The following ADAMTSL1 variants were observed in gnomAD, a reference collection of about 807,000 sequenced individuals.
The protein encoded by ADAMTSL1 is ADAMTS like 1.
In ADAMTSL1, 126 loss-of-function variants were observed where a neutral mutation model predicts 201.8. The observed-to-expected ratio is 0.62, with a 90% CI of 0.54 to 0.72. The LOEUF (loss-of-function observed/expected upper bound fraction) is 0.72. Among genes scored for constraint, ADAMTSL1 ranks in the 30% least tolerant of loss-of-function variants. The probability of loss-of-function intolerance (pLI) is 0.00; values close to 1 mark genes in which losing one functional copy is unlikely to be tolerated. For synonymous variants in ADAMTSL1, 1,121 were observed against 903.4 expected (o/e 1.24, Z -4.32); for missense variants, 2,679 against 2,277.8 (o/e 1.18, Z -3.59).
intron 1 of ADAMTSL1, among the ~76,000 whole-genome samples, chr9:17,921,036 T>G (rs976844715): frequency 6.6e-6 from 1 of 152,200 alleles, no homozygotes; most frequent in African/African-American, 2.4e-5. Context: ...GAATATTTAT[T>G]TTCATATATC....
intron 14 of ADAMTSL1, among the ~76,000 whole-genome samples, chr9:18,712,429 G>C (rs1408405181): frequency 1.3e-5 from 2 of 151,534 alleles, no homozygotes; most frequent in Admixed American, 1.3e-4. Context: ...TGAAAACCAA[G>C]GCTCCAGAAC....
At chr9:18,202,797 C>G (rs763028693) in intron 2 of ADAMTSL1, among the ~76,000 whole-genome samples, 1 of 152,106 alleles carries the variant, frequency 6.6e-6, no homozygotes, top group African/African-American at 2.4e-5. Context: ...CAGTTTCTGT[C>G]TTCAGAATAG....
chr9:18,863,783 C>T (rs1365414627), intron 23 of ADAMTSL1, among the ~76,000 whole-genome samples: 1 of 152,154 alleles, frequency 6.6e-6, no homozygotes, highest in Non-Finnish European at 1.5e-5. Flanking sequence ...TTTGCTCAGT[C>T]ACCCCATGGC....
At position 18,484,911 on chromosome 9, in the gene ADAMTSL1, C is replaced by G. The variant is rs944713090; in HGVS notation, c.63+10616C>G. ...AGGTAGGAGTTACGGAAAGTAGAGA[C>G]AAGTTTCTAATTTTTTGTATTGTTA... is the stretch of plus-strand genomic sequence containing the variant. On this transcript the variant is annotated intron_variant, in intron 1 of 28. Transcript: ENST00000380548. 2.2e-4 allele frequency among the ~76,000 whole-genome samples: 33 copies of G among 152,058 alleles called. 2 individuals are homozygous for G. Among genetic ancestry groups the G allele is most frequent in the Admixed American group, 2.1e-3 (32 of 15,268 alleles).
intron 3 of ADAMTSL1, among the ~76,000 whole-genome samples, chr9:18,561,973 C>G (rs918827196): frequency 3.3e-5 from 5 of 152,038 alleles, no homozygotes; most frequent in African/African-American, 1.2e-4. Flanking sequence ...GACTCTTTAT[C>G]CAGTTTGCCA....
intron 3 of ADAMTSL1, among the ~76,000 whole-genome samples, chr9:18,552,803 C>T (rs1194588318): frequency 6.6e-6 from 1 of 151,522 alleles, no homozygotes; most frequent in Non-Finnish European, 1.5e-5. Flanking sequence ...ATCCTTTTTG[C>T]CTTAATGTAT....
At chr9:18,209,942 G>C (rs80244227) in intron 2 of ADAMTSL1, among the ~76,000 whole-genome samples, 2,223 of 152,188 alleles carry the variant, frequency 0.015, 60 homozygotes, top group African/African-American at 0.05. Flanking sequence ...TGCCTTGCCA[G>C]TACAGAATGC....
chr9:17,908,014 G>T (rs114148145), intron 1 of ADAMTSL1, among the ~76,000 whole-genome samples: 1 of 151,924 alleles, frequency 6.6e-6, no homozygotes, highest in South Asian at 2.1e-4. Context: ...TTTTCTTAAC[G>T]TTTTGCAACT....
intron 1 of ADAMTSL1, among the ~76,000 whole-genome samples, chr9:18,151,869 C>T (rs1272574756): frequency 2.6e-5 from 4 of 151,946 alleles, no homozygotes; most frequent in African/African-American, 9.7e-5. Context: ...ATAAATGTCC[C>T]ATATCCCCTT....
At chr9:18,228,687 T>C (rs573778953) in intron 2 of ADAMTSL1, among the ~76,000 whole-genome samples, 4 of 152,294 alleles carry the variant, frequency 2.6e-5, no homozygotes, top group Admixed American at 1.3e-4. Context: ...CCTAAAGTGC[T>C]GGGATTACAG....
chr9:18,242,939 C>A lies in ADAMTSL1; in HGVS notation c.207+78958C>A, dbSNP rs374389264. On this transcript the variant is annotated intron_variant, in intron 2 of 29. Coordinates refer to the ADAMTSL1 transcript ENST00000680146. ...TACTACCCAAATCAATATACAGATT[C>A]AATGCAACATCTATCAAAATCCTAA... 2.2e-4 allele frequency among the ~76,000 whole-genome samples: 33 copies of A among 152,186 alleles called. No individual in the cohort carries two copies. The East Asian group carries it at 6.0e-3, about 28-fold the overall frequency.
intron 1 of ADAMTSL1, among the ~76,000 whole-genome samples, chr9:18,060,313 G>A (rs117270743): frequency 1.5e-3 from 224 of 152,256 alleles, no homozygotes; most frequent in Non-Finnish European, 2.2e-3. Flanking sequence ...GTGGGGTCAC[G>A]TGAATGTTTG....
At chr9:18,470,822 A>T (rs1007414207), upstream of ADAMTSL1, among the ~76,000 whole-genome samples, 6 of 143,376 alleles carry the variant, frequency 4.2e-5, no homozygotes, top group African/African-American at 1.5e-4. Context: ...ATGATGCTTC[A>T]GACAGCCCTG....
At chr9:18,721,738 C>G (rs1480235356) in intron 15 of ADAMTSL1, 73 bp downstream of exon 15, 4 of 1,537,740 alleles carry the variant, frequency 2.6e-6, no homozygotes, top group East Asian at 2.3e-5. Flanking sequence ...GTGGGCAAGA[C>G]TGTAACACTT....
intron 2 of ADAMTSL1, among the ~76,000 whole-genome samples, chr9:18,334,463 TG>T (rs908204222): frequency 6.4e-4 from 97 of 152,322 alleles, no homozygotes; most frequent in African/African-American, 2.2e-3. Flanking sequence ...TATCCTGTCT[TG>T]TTTAAAGTGC....
intron 2 of ADAMTSL1, among the ~76,000 whole-genome samples, chr9:18,244,665 C>A (rs1391897077): frequency 6.6e-6 from 1 of 152,114 alleles, no homozygotes; most frequent in Admixed American, 6.6e-5. Context: ...TGGGCATTTT[C>A]TCATTTCTGA....
intron 1 of ADAMTSL1, among the ~76,000 whole-genome samples, chr9:18,149,966 T>G (rs1826835893): frequency 6.6e-6 from 1 of 152,044 alleles, no homozygotes; most frequent in Non-Finnish European, 1.5e-5. Context: ...GAGGATGTGG[T>G]ACCAGTATGG....
chr9:18,269,844 C>CT (rs1832285003), intron 2 of ADAMTSL1, among the ~76,000 whole-genome samples: 1 of 71,826 alleles, frequency 1.4e-5, no homozygotes, highest in Admixed American at 1.8e-4. Context: ...TCCTCTTCAT[C>CT]CTTTTTTTTT....
intron 1 of ADAMTSL1, among the ~76,000 whole-genome samples, chr9:18,007,990 C>T (rs1226964136): frequency 6.6e-6 from 1 of 151,870 alleles, no homozygotes; most frequent in African/African-American, 2.4e-5. Flanking sequence ...AGAAATTGGC[C>T]CCTTATTCCT....
Sources: gnomAD v4.1 joint callset for allele counts (sites outside exome capture counted in the v4.1 genomes callset) on GRCh38, gnomAD v4.1.1 for gene constraint, MANE v1.5 for transcripts, NCBI Gene and HGNC (gene_info 2026-07-23, HGNC 2026-07-21) for gene names.